Variants in ZNF461 observed in about 807,000 individuals in gnomAD.
ZNF461 encodes the protein gonadotropin-inducible ovarian transcription factor-1.
A neutral mutation model predicts 18.3 loss-of-function variants in ZNF461; 16 were observed. The ratio of observed to expected loss-of-function variants is 0.88; its 90% CI spans 0.59 to 1.33. ZNF461 has a LOEUF of 1.33. Among genes scored for constraint, ZNF461 ranks in the 40% most tolerant of loss-of-function variants. The probability of loss-of-function intolerance (pLI) is 0.00; values close to 1 mark genes in which losing one functional copy is unlikely to be tolerated. For synonymous variants in ZNF461, 179 were observed against 216.9 expected, an observed-to-expected ratio of 0.83 and a Z score of 1.54; for missense variants, 595 against 669.9, an observed-to-expected ratio of 0.89 and a Z score of 1.23.
intron 1 of ZNF461, among the ~76,000 whole-genome samples, chr19:36,665,519 G>C (rs1600453636): frequency 6.6e-6 from 1 of 152,084 alleles, no homozygotes; most frequent in Non-Finnish European, 1.5e-5. Flanking sequence ...GACCAGCCTG[G>C]CCAACATGGT....
chr19:36,640,230 A>G (rs533853790), intron 5 of ZNF461, 187 bp from the exon 6 acceptor site: 1 of 507,862 alleles, frequency 2.0e-6, no homozygotes, highest in African/African-American at 1.9e-5. Flanking sequence ...TTAGGGAAAT[A>G]ATTCAATGGT....
chr19:36,640,081 T>C, intron 5 of ZNF461, 38 bp from the exon 6 acceptor site: 3 of 1,512,668 alleles, frequency 2.0e-6, no homozygotes, highest in South Asian at 1.2e-5. Flanking sequence ...CCTGGTTTTG[T>C]ACTATAAGAG....
intron 4 of ZNF461, among the ~76,000 whole-genome samples, chr19:36,649,815 A>T (rs1307924078): frequency 1.3e-5 from 2 of 152,238 alleles, no homozygotes; most frequent in Non-Finnish European, 2.9e-5. Flanking sequence ...TTCACAACAT[A>T]TACATATATC....
chr19:36,643,898 G>C (rs2037474242), intron 4 of ZNF461, 36 bp from the exon 5 acceptor site: 1 of 1,380,868 alleles, frequency 7.2e-7, no homozygotes, highest in Non-Finnish European at 9.7e-7. Context: ...CTTCATTTTA[G>C]AATAATATTT....
intron 4 of ZNF461, among the ~76,000 whole-genome samples, chr19:36,646,135 A>G (rs12979682): frequency 2.4e-5 from 2 of 84,816 alleles, no homozygotes; most frequent in Non-Finnish European, 4.9e-5. Flanking sequence ...TGTTGTTGTT[A>G]TTGTTGTTGA....
At chr19:36,644,072 A>G (rs2037478335) in intron 4 of ZNF461, among the ~76,000 whole-genome samples, 1 of 151,954 alleles carries the variant, frequency 6.6e-6, no homozygotes, top group Admixed American at 6.6e-5. Context: ...AGCTGGGATT[A>G]CAGGCACGTG....
intron 4 of ZNF461, among the ~76,000 whole-genome samples, chr19:36,651,343 C>T (rs1278153573): frequency 6.6e-6 from 1 of 151,370 alleles, no homozygotes; most frequent in Non-Finnish European, 1.5e-5. Flanking sequence ...CCACTTTTAC[C>T]ACCCTTATTC....
At chr19:36,660,514 A>G (rs968191637) in intron 2 of ZNF461, among the ~76,000 whole-genome samples, 12 of 152,068 alleles carry the variant, frequency 7.9e-5, no homozygotes, top group Admixed American at 7.9e-4. Flanking sequence ...TCTCTGTTGC[A>G]GTGATGTGTT....
chr19:36,649,302 A>G (rs940016844), intron 4 of ZNF461, among the ~76,000 whole-genome samples: 1 of 151,416 alleles, frequency 6.6e-6, no homozygotes, highest in Non-Finnish European at 1.5e-5. Context: ...TCAATTTTAA[A>G]TTCTCTTGAA....
intron 4 of ZNF461, 60 bp downstream of exon 4, chr19:36,656,388 C>A (rs1031730584): frequency 1.2e-5 from 16 of 1,388,856 alleles, no homozygotes; most frequent in Non-Finnish European, 1.5e-5. Context: ...AACTTGCCAG[C>A]CCAACATTCT....
intron 4 of ZNF461, among the ~76,000 whole-genome samples, chr19:36,650,466 G>A (rs930354565): frequency 6.6e-6 from 1 of 152,012 alleles, no homozygotes; most frequent in Non-Finnish European, 1.5e-5. Flanking sequence ...CTCCCAAAAA[G>A]AAATCTCTAG....
chr19:36,645,498 A>C (rs2037509787), intron 4 of ZNF461, among the ~76,000 whole-genome samples: 1 of 152,178 alleles, frequency 6.6e-6, no homozygotes, highest in Non-Finnish European at 1.5e-5. Context: ...GAAACACTTT[A>C]TTTCCCACTT....
chr19:36,654,046 G>A (rs576514588), intron 4 of ZNF461, among the ~76,000 whole-genome samples: 10 of 152,136 alleles, frequency 6.6e-5, no homozygotes, highest in African/African-American at 2.4e-4. Context: ...ACTATAGTTG[G>A]GTAAGGTATT....
At chr19:36,665,708 CAAAAAAAAA>C (rs750223990) in intron 1 of ZNF461, among the ~76,000 whole-genome samples, 1 of 77,876 alleles carries the variant, frequency 1.3e-5, no homozygotes, top group East Asian at 3.4e-4. Flanking sequence ...AACTTCGTCT[CAAAAAAAAA>C]AAAAAAAAAA....
At position 36,664,770 on chromosome 19, in the gene ZNF461, A is replaced by T. The variant is rs2037876320; in HGVS notation, c.-64T>A. ...CTTCGTTCCCTCTGGAAGAAACTCA[A>T]TCCAAAGAAGGTGTTGCTGGGAGAG... On this transcript the variant is annotated 5_prime_UTR_variant, in exon 2 of 6. In the 5' UTR this introduces an upstream ATG that the reference lacks. Coordinates refer to ENST00000588268, the MANE Select transcript of ZNF461 (RefSeq NM_153257.5). 7.7e-7 allele frequency: 1 copy of T among 1,300,368 alleles called. No individual in the cohort carries two copies. The highest frequency in any genetic ancestry group is 1.9e-5 in the South Asian group (1 of 51,484). 80.6% of individuals were successfully genotyped at this position (1,300,368 alleles called of 1,614,324 possible).
At position 36,639,839 on chromosome 19, in the gene ZNF461, T is replaced by A. The variant is rs1303860461; in HGVS notation, c.506A>T (p.His169Leu). Reference sequence around the variant, plus strand: ...TTGGCTAAAAATGGGCATGTTTTCATGGTTAATCATAAGTTGTCTAAAATA... The same window carrying A: ...TTGGCTAAAAATGGGCATGTTTTCAAGGTTAATCATAAGTTGTCTAAAATA... The part of the protein sequence containing the change: ...EGYFRQLMIN[H>L]ENMPIFSQHT... The change falls in exon 6 of 6, where the codon CAT becomes CTT. Residue 169 changes from histidine to leucine, a missense_variant. By Grantham distance (99) the His-to-Leu change is moderately conservative (BLOSUM62 -3). Transcript: ENST00000588268. The A allele has an allele frequency of 6.2e-7, 1 of 1,613,974 alleles. No homozygotes were observed. The highest frequency in any genetic ancestry group is 1.7e-5 in the Admixed American group (1 of 60,018).
In ZNF461 at chr19:36,658,389, A is replaced by G; in HGVS notation, c.46T>C (p.Ser16Pro). 1 of 1,611,598 alleles carries G rather than the reference A, an allele frequency of 6.2e-7. No individual in the cohort carries two copies. The highest frequency in any genetic ancestry group is 8.5e-7 in the Non-Finnish European group (1 of 1,178,642). ...TTCAGGCATTCCCATTCCTCCTGAG[A>G]GACATCTATAGCCACATCTCTGAAC... ...VMFRDVAIDV[S>P]QEEWECLNPA... The change falls in exon 3 of 6, where the codon TCT becomes CCT. Residue 16 changes from serine to proline, a missense_variant. Physicochemically the swap from Ser to Pro is moderately conservative, Grantham distance 74. Coordinates refer to ENST00000588268, the MANE Select transcript of ZNF461 (RefSeq NM_153257.5).
chr19:36,654,462 G>C (rs1005549446), intron 4 of ZNF461, among the ~76,000 whole-genome samples: 1 of 152,068 alleles, frequency 6.6e-6, no homozygotes, highest in Non-Finnish European at 1.5e-5. Flanking sequence ...GACCTCCCAG[G>C]CTCAAGCAAT....
In ZNF461 at chr19:36,639,877, TC is replaced by T; in HGVS notation, c.467del (p.Gly156AspfsTer11). ...GTTGTCTAAAATAACCCTCCTCTTG[TC>T]CCTGATGTTGCTCAAAATGACAGTT... ...EGNCHFEQHQGQEEGYFRQLM... is the reference protein window; with the variant it reads ...EGNCHFEQHQXQEEGYFRQLM... On this transcript the variant is annotated frameshift_variant, in exon 6 of 6. Transcript: ENST00000588268. LOFTEE classifies it low-confidence loss of function (END_TRUNC). 5.0e-6 allele frequency: 8 copies of T among 1,613,908 alleles called. No homozygotes were observed. The highest frequency in any genetic ancestry group is 6.8e-6 in the Non-Finnish European group (8 of 1,179,872).
Sources: allele counts gnomAD v4.1 joint callset (sites outside exome capture counted in the v4.1 genomes callset), GRCh38; gene constraint gnomAD v4.1.1; transcripts MANE v1.5; gene names NCBI Gene and HGNC (gene_info 2026-07-23, HGNC 2026-07-21).